Variants in DPP6 observed in about 807,000 individuals in gnomAD.
The protein encoded by DPP6 is dipeptidyl peptidase like 6, also known as A-type potassium channel modulatory protein DPP6.
DPP6 carries 69 observed loss-of-function variants against 122.6 expected under a neutral mutation model. The observed-to-expected ratio is 0.56, with a 90% confidence interval of 0.46 to 0.69. DPP6 has a LOEUF of 0.69. DPP6 is among the 30% of genes least tolerant of loss of function. DPP6 has a pLI of 0.00. For missense variants in DPP6, 928 were observed against 1,116.9 expected, an observed-to-expected ratio of 0.83 and a Z score of 2.41; for synonymous variants, 418 against 433.1, an observed-to-expected ratio of 0.97 and a Z score of 0.43.
intron 2 of DPP6, among the ~76,000 whole-genome samples, chr7:154,459,278 G>A (rs1048625827): frequency 3.9e-5 from 6 of 152,160 alleles, no homozygotes; most frequent in African/African-American, 1.4e-4. Flanking sequence ...GGTTTAGCAT[G>A]CCTATTCTCG....
At chr7:153,957,009 TATAAGAA>T (rs1229564920) in intron 1 of DPP6, among the ~76,000 whole-genome samples, 1 of 150,932 alleles carries the variant, frequency 6.6e-6, no homozygotes, top group Non-Finnish European at 1.5e-5. Flanking sequence ...AATAATAAGT[TATAAGAA>T]AGAAGACTTC....
chr7:153,860,207 T>C, the DPP6 span, among the ~76,000 whole-genome samples: 1 of 152,206 alleles, frequency 6.6e-6, no homozygotes, highest in African/African-American at 2.4e-5. Context: ...TCTAAAGGAA[T>C]GACTTGCCAA....
At position 154,892,199 on chromosome 7, in the gene DPP6, A is replaced by T. The variant is rs1194932836; in HGVS notation, c.2452-135A>T. ...CACTTCCATCAGGAGTGGCATGGTT[A>T]GCAAACCCACTTCATCAACTACAAT... On this transcript the variant is annotated intron_variant, in intron 25 of 25. Coordinates refer to ENST00000377770, the MANE Select transcript of DPP6 (RefSeq NM_130797.4). The T allele has an allele frequency of 2.5e-6, 3 of 1,206,112 alleles. No individual in the cohort carries two copies. The East Asian group carries it at 7.6e-5, about 31-fold the overall frequency. The allele number at this position is 1,206,112 out of a possible 1,614,324, so 74.7% of individuals were successfully genotyped here.
At chr7:154,669,586 G>T in intron 7 of DPP6, 145 bp downstream of exon 7, 8 of 1,292,000 alleles carry the variant, frequency 6.2e-6, no homozygotes, top group South Asian at 5.0e-5. Context: ...ATCTGGAGAG[G>T]TACACCAGGG....
At chr7:153,872,152 A>G in the DPP6 span, among the ~76,000 whole-genome samples, 3 of 152,158 alleles carry the variant, frequency 2.0e-5, no homozygotes, top group South Asian at 4.1e-4. Flanking sequence ...TTTTTTCCCA[A>G]GTGTCTTCAA....
intron 5 of DPP6, among the ~76,000 whole-genome samples, chr7:154,630,381 C>G (rs1835332784): frequency 6.6e-6 from 1 of 152,194 alleles, no homozygotes; most frequent in Non-Finnish European, 1.5e-5. Flanking sequence ...GGGGCATTCT[C>G]AAGTTACAAA....
chr7:154,138,128 A>G (rs1795671798), intron 1 of DPP6, among the ~76,000 whole-genome samples: 1 of 152,194 alleles, frequency 6.6e-6, no homozygotes, highest in Non-Finnish European at 1.5e-5. Flanking sequence ...GTTTTTGTGA[A>G]CAGAAAATAT....
intron 4 of DPP6, among the ~76,000 whole-genome samples, chr7:154,560,319 G>A (rs1247880078): frequency 6.6e-6 from 1 of 152,064 alleles, no homozygotes. Context: ...CCTTTGTCCT[G>A]CTCTAAACAC....
chr7:153,802,741 G>C, the DPP6 span, among the ~76,000 whole-genome samples: 1 of 152,144 alleles, frequency 6.6e-6, no homozygotes, highest in Non-Finnish European at 1.5e-5. Flanking sequence ...TTTGAAACTT[G>C]TGTCACTCAT....
At chr7:154,401,635 A>T (rs1199871955) in intron 1 of DPP6, among the ~76,000 whole-genome samples, 1 of 152,252 alleles carries the variant, frequency 6.6e-6, no homozygotes, top group African/African-American at 2.4e-5. Flanking sequence ...ACCTAAAACT[A>T]TAAAAACCCT....
At chr7:153,807,439 AC>A in the DPP6 span, among the ~76,000 whole-genome samples, 1 of 151,660 alleles carries the variant, frequency 6.6e-6, no homozygotes, top group Non-Finnish European at 1.5e-5. Context: ...AAAAAAAAAA[AC>A]AAAGACCATA....
At chr7:154,549,816 T>A (rs890902861) in intron 4 of DPP6, among the ~76,000 whole-genome samples, 5 of 152,158 alleles carry the variant, frequency 3.3e-5, no homozygotes, top group Admixed American at 6.5e-5. Context: ...ATCTCCTGAA[T>A]AATGAATCAA....
intron 1 of DPP6, among the ~76,000 whole-genome samples, chr7:154,024,568 G>C (rs1437121260): frequency 1.3e-5 from 2 of 152,098 alleles, no homozygotes; most frequent in Non-Finnish European, 2.9e-5. Context: ...TGGTATCAGG[G>C]AGCACGTTGA....
At chr7:154,058,996 T>G (rs1801248830) in intron 1 of DPP6, 1 of 135,272 alleles carries the variant, frequency 7.4e-6, no homozygotes, top group South Asian at 2.4e-4. Flanking sequence ...CAGCCTCTGT[T>G]CCCCCACTGG....
At chr7:154,079,490 C>T (rs1405593973) in intron 1 of DPP6, among the ~76,000 whole-genome samples, 1 of 152,160 alleles carries the variant, frequency 6.6e-6, no homozygotes, top group Non-Finnish European at 1.5e-5. Context: ...AATGGTCAAA[C>T]GAGAGGCAAG....
chr7:154,027,219 C>T (rs1317547962), intron 1 of DPP6, among the ~76,000 whole-genome samples: 1 of 151,124 alleles, frequency 6.6e-6, no homozygotes, highest in African/African-American at 2.4e-5. Flanking sequence ...GCTCACTTCC[C>T]ACCAGGAAAT....
At chr7:154,201,047 C>T (rs28547125) in intron 1 of DPP6, among the ~76,000 whole-genome samples, 6,948 of 152,188 alleles carry the variant, frequency 0.046, 246 homozygotes, top group African/African-American at 0.1. Context: ...AATATTCTGA[C>T]GTGGTCAAGT....
chr7:154,587,860 C>T (rs79320411), intron 5 of DPP6: 22,442 of 1,612,748 alleles, frequency 0.014, 192 homozygotes, highest in Non-Finnish European at 0.016. Context: ...ACAAGGGGGA[C>T]CTGTTTCAGA....
intron 1 of DPP6, among the ~76,000 whole-genome samples, chr7:154,067,520 CTCG>C (rs1200045649): frequency 6.6e-6 from 1 of 152,100 alleles, no homozygotes; most frequent in Admixed American, 6.5e-5. Flanking sequence ...GGCCTGGAGA[CTCG>C]TGCATGTGGG....
Sources: allele counts gnomAD v4.1 joint callset (sites outside exome capture counted in the v4.1 genomes callset), GRCh38; gene constraint gnomAD v4.1.1; transcripts MANE v1.5; gene names NCBI Gene and HGNC (gene_info 2026-07-23, HGNC 2026-07-21).